Variants in HS3ST3A1 observed in about 807,000 individuals in gnomAD.
HS3ST3A1 encodes the protein heparan sulfate-glucosamine 3-sulfotransferase 3A1, also known as heparan sulfate glucosamine 3-O-sulfotransferase 3A1.
Under a neutral mutation model 25.7 loss-of-function variants are expected in HS3ST3A1, and 19 were observed. The ratio of observed to expected loss-of-function variants is 0.74; its 90% CI spans 0.52 to 1.08. The LOEUF (loss-of-function observed/expected upper bound fraction) is 1.08, where lower values mean the gene tolerates loss of function less well. Ranked by LOEUF, HS3ST3A1 falls within the 50% of genes least tolerant of loss-of-function variation. HS3ST3A1 has a pLI of 0.00. For synonymous variants in HS3ST3A1, 226 were observed against 278.6 expected (o/e 0.81, Z 1.88); for missense variants, 459 against 594.3 (o/e 0.77, Z 2.37).
chr17:13,596,636 CT>C (rs1908585837), intron 1 of HS3ST3A1, among the ~76,000 whole-genome samples: 1 of 152,108 alleles, frequency 6.6e-6, no homozygotes, highest in African/African-American at 2.4e-5. Context: ...ACATCTCACT[CT>C]CTTCCTAGCC....
At chr17:13,571,011 G>A (rs942563200) in intron 1 of HS3ST3A1, among the ~76,000 whole-genome samples, 1 of 152,110 alleles carries the variant, frequency 6.6e-6, no homozygotes, top group South Asian at 2.1e-4. Context: ...TGTTACCAAG[G>A]CTGTCTTCTT....
chr17:13,545,898 A>G (rs991973275), intron 1 of HS3ST3A1, among the ~76,000 whole-genome samples: 4 of 151,898 alleles, frequency 2.6e-5, no homozygotes, highest in African/African-American at 4.8e-5. Flanking sequence ...AATCGCTTGA[A>G]CCCAGGAAGC....
intron 1 of HS3ST3A1, among the ~76,000 whole-genome samples, chr17:13,578,915 T>C (rs1264092830): frequency 1.3e-5 from 2 of 152,202 alleles, no homozygotes; most frequent in South Asian, 2.1e-4. Flanking sequence ...AAATTTGTCA[T>C]TTTTATTAAA....
At chr17:13,596,535 T>A (rs1908582325) in intron 1 of HS3ST3A1, among the ~76,000 whole-genome samples, 1 of 151,872 alleles carries the variant, frequency 6.6e-6, no homozygotes, top group African/African-American at 2.4e-5. Flanking sequence ...TAGATGACAG[T>A]ATTTTGGGTC....
At chr17:13,598,765 A>G (rs1469077017) in intron 1 of HS3ST3A1, among the ~76,000 whole-genome samples, 1 of 152,094 alleles carries the variant, frequency 6.6e-6, no homozygotes, top group Non-Finnish European at 1.5e-5. Context: ...CATGGAAAAT[A>G]AGATCCAGGT....
Position 13,600,520 on chromosome 17 carries a change from G to A in HS3ST3A1, c.599+11C>T. 1 of 1,585,558 alleles carries A rather than the reference G, an allele frequency of 6.3e-7. No homozygotes were observed. Among genetic ancestry groups the A allele is most frequent in the South Asian group, 1.1e-5 (1 of 88,704 alleles). On this transcript the variant is annotated intron_variant, in intron 1 of 1. Transcript: ENST00000284110. ...GATCCTTCAGCCCCAGCCCGGGCCCGCCCCGCTCACCGGTACCAGGCGAGG... is the reference window on the plus strand; with the variant it reads ...GATCCTTCAGCCCCAGCCCGGGCCCACCCCGCTCACCGGTACCAGGCGAGG...
intron 1 of HS3ST3A1, among the ~76,000 whole-genome samples, chr17:13,512,785 G>A (rs147076364): frequency 2.6e-5 from 4 of 152,282 alleles, no homozygotes; most frequent in Non-Finnish European, 4.4e-5. Context: ...TACTGCGTAA[G>A]TATGTAGTAG....
At chr17:13,574,337 G>C (rs926613759) in intron 1 of HS3ST3A1, among the ~76,000 whole-genome samples, 18 of 151,394 alleles carry the variant, frequency 1.2e-4, no homozygotes, top group African/African-American at 3.9e-4. Context: ...TTTTCACCGT[G>C]TTAGCTAAGA....
chr17:13,507,750 G>A (rs1410905586), intron 1 of HS3ST3A1, among the ~76,000 whole-genome samples: 3 of 152,162 alleles, frequency 2.0e-5, no homozygotes, highest in Non-Finnish European at 4.4e-5. Flanking sequence ...AAACAGAACT[G>A]TGTCTGTTTT....
Position 13,600,566 on chromosome 17 carries a change from G to A in HS3ST3A1, c.564C>T (p.Phe188=). 6.2e-7 allele frequency: 1 copy of A among 1,602,198 alleles called. No individual in the cohort carries two copies. Among genetic ancestry groups the A allele is most frequent in the East Asian group, 2.2e-5 (1 of 44,676 alleles). The change falls in exon 1 of 2, where the codon TTC becomes TTT. Residue 188 remains phenylalanine (F), a synonymous_variant. Coordinates refer to ENST00000284110, the MANE Select transcript of HS3ST3A1 (RefSeq NM_006042.3). ...CGAGGCCCTTGTCGTAGCTGCGGTC[G>A]AAGAAGTGGGGCTCGGCGCCCACGG... ...VRAVGAEPHF[F]DRSYDKGLAW... is the part of the protein sequence containing the mutation.
chr17:13,518,027 A>G (rs1906110940), intron 1 of HS3ST3A1, among the ~76,000 whole-genome samples: 1 of 152,220 alleles, frequency 6.6e-6, no homozygotes, highest in African/African-American at 2.4e-5. Flanking sequence ...AAGTGCTTGA[A>G]AAAATGGAGG....
chr17:13,500,551 A>T (rs1449511756), intron 1 of HS3ST3A1, among the ~76,000 whole-genome samples: 1 of 152,170 alleles, frequency 6.6e-6, no homozygotes, highest in Non-Finnish European at 1.5e-5. Context: ...GTATGGGAGA[A>T]ATTCAACTGG....
At chr17:13,551,793 A>G (rs1178131385) in intron 1 of HS3ST3A1, among the ~76,000 whole-genome samples, 1 of 152,182 alleles carries the variant, frequency 6.6e-6, no homozygotes, top group East Asian at 1.9e-4. Flanking sequence ...CAACTTGACC[A>G]TAATGATTTG....
intron 1 of HS3ST3A1, among the ~76,000 whole-genome samples, chr17:13,513,244 C>T (rs1905937003): frequency 6.6e-6 from 1 of 152,212 alleles, no homozygotes; most frequent in South Asian, 2.1e-4. Context: ...TAGGTGGCTC[C>T]ACCGCAGCAG....
intron 1 of HS3ST3A1, among the ~76,000 whole-genome samples, chr17:13,555,382 A>G (rs1490985811): frequency 9.9e-5 from 15 of 152,178 alleles, no homozygotes. Flanking sequence ...CACAGATTCA[A>G]CTTGGCAATG....
At chr17:13,542,916 T>C (rs1033741130) in intron 1 of HS3ST3A1, among the ~76,000 whole-genome samples, 1 of 152,112 alleles carries the variant, frequency 6.6e-6, no homozygotes, top group Non-Finnish European at 1.5e-5. Flanking sequence ...TAATCAATCA[T>C]GCCTATGTGA....
chr17:13,532,984 T>C (rs954722626), intron 1 of HS3ST3A1, among the ~76,000 whole-genome samples: 1 of 151,930 alleles, frequency 6.6e-6, no homozygotes, highest in African/African-American at 2.4e-5. Context: ...CAGTGACATC[T>C]GGATCTCACC....
intron 1 of HS3ST3A1, among the ~76,000 whole-genome samples, chr17:13,523,654 A>G (rs1267918361): frequency 6.6e-6 from 1 of 152,164 alleles, no homozygotes; most frequent in East Asian, 1.9e-4. Flanking sequence ...TTTACACGGA[A>G]AAATCTCCAA....
chr17:13,498,641 A>G (rs948202970), intron 1 of HS3ST3A1, among the ~76,000 whole-genome samples: 2 of 152,248 alleles, frequency 1.3e-5, no homozygotes, highest in African/African-American at 2.4e-5. Flanking sequence ...GCAGAGGCCA[A>G]GAAGAATCTA....
Sources: allele counts gnomAD v4.1 joint callset (sites outside exome capture counted in the v4.1 genomes callset), GRCh38; gene constraint gnomAD v4.1.1; transcripts MANE v1.5; gene names NCBI Gene and HGNC (gene_info 2026-07-23, HGNC 2026-07-21).